TMEM63B: variants seen among roughly 807,000 people sequenced by gnomAD.
TMEM63B encodes the protein mechanosensitive cation channel TMEM63B.
A neutral mutation model predicts 102.6 loss-of-function variants in TMEM63B; 23 were observed. That is an observed-to-expected ratio of 0.22 (90% CI 0.16 to 0.32). The LOEUF is 0.32. Among genes scored for constraint, TMEM63B ranks in the 10% least tolerant of loss-of-function variants. The pLI, the probability that TMEM63B is intolerant of heterozygous loss-of-function variation, is 1.00. For synonymous variants in TMEM63B, 444 were observed against 437.0 expected, an observed-to-expected ratio of 1.02 and a Z score of -0.20; for missense variants, 628 against 1,095.9, an observed-to-expected ratio of 0.57 and a Z score of 6.03.
intron 18 of TMEM63B, among the ~76,000 whole-genome samples, chr6:44,151,469 G>A (rs1447704886): frequency 2.0e-5 from 3 of 152,096 alleles, no homozygotes; most frequent in African/African-American, 7.2e-5. Context: ...CACTCTGGGG[G>A]TAACTCGAGT....
rs1218738721 is a variant in TMEM63B at position 44,127,690 on chromosome 6, A to AC, written c.-25+16dup. 2 of 140,922 alleles carry AC rather than the reference A, an allele frequency of 1.4e-5. No homozygotes were observed. The highest frequency in any genetic ancestry group is 5.3e-5 in the African/African-American group (2 of 37,986). The allele number at this position is 140,922 out of a possible 1,614,324, so 8.7% of individuals were successfully genotyped here. A position where few individuals can be genotyped will look rare whatever the true frequency, so the allele number is the denominator to read the frequency against. On this transcript the variant is annotated intron_variant, in intron 1 of 23. Coordinates refer to ENST00000323267, the MANE Select transcript of TMEM63B (RefSeq NM_018426.3). Reference sequence around the variant, plus strand: ...GTCTGCGCCTGGGGGTGAGTACGCGACCCCTACCCAGCCCTCGCTCTTTTC... The same window carrying AC: ...GTCTGCGCCTGGGGGTGAGTACGCGACCCCCTACCCAGCCCTCGCTCTTTTC...
rs1457725003 is a variant in TMEM63B at position 44,148,564 on chromosome 6, G to T, written c.1173G>T (p.Gly391=). The change falls in exon 14 of 24, where the codon GGG becomes GGT. Residue 391 remains glycine (G), a synonymous_variant. Transcript: ENST00000323267. This position sits in a 1 kb window ranked among gnomAD's most constrained non-coding sequence, Gnocchi z 5.1. Reference sequence around the variant, plus strand: ...AATGCCAGGGCTGCACCTGCCGTGGGGAGCCACGCCCCTCATCCTGCAGCG... The same window carrying T: ...AATGCCAGGGCTGCACCTGCCGTGGTGAGCCACGCCCCTCATCCTGCAGCG... ...VCKCQGCTCR[G]EPRPSSCSES... is the part of the protein sequence containing the mutation. 1 of 1,614,238 alleles carries T rather than the reference G, an allele frequency of 6.2e-7. No individual in the cohort carries two copies. The highest frequency in any genetic ancestry group is 8.5e-7 in the Non-Finnish European group (1 of 1,180,044).
At chr6:44,142,900 A>G (rs1272224290) in intron 10 of TMEM63B, among the ~76,000 whole-genome samples, 1 of 152,196 alleles carries the variant, frequency 6.6e-6, no homozygotes, top group Non-Finnish European at 1.5e-5. Context: ...AGTCCCAACT[A>G]CTCAGGTGAC....
In TMEM63B at chr6:44,148,586, A is replaced by G; in HGVS notation, c.1195A>G (p.Ser399Gly). ...TGGGGAGCCACGCCCCTCATCCTGC[A>G]GCGAGTCCCTGCACATCTCCAACTG... ...CRGEPRPSSCSESLHISNWTV... is the reference protein window; with the variant it reads ...CRGEPRPSSCGESLHISNWTV... Residue 399 changes from serine to glycine, a missense_variant, in exon 14 of 24, where the codon AGC becomes GGC. Ser to Gly is a moderately conservative substitution (Grantham distance 56). Around this residue, in one of 6 missense-constraint regions of TMEM63B, gnomAD observed 336 missense variants for 580.3 expected, o/e 0.58. Coordinates refer to ENST00000323267, the MANE Select transcript of TMEM63B (RefSeq NM_018426.3). The surrounding 1 kb of genome is among the most constrained non-coding windows in gnomAD (Gnocchi z 5.1). 6.2e-7 allele frequency: 1 copy of G among 1,614,248 alleles called. No homozygotes were observed.
At chr6:44,134,774 C>T (rs1762587612) in intron 2 of TMEM63B, 31 bp downstream of exon 2, 4 of 1,603,512 alleles carry the variant, frequency 2.5e-6, no homozygotes, top group African/African-American at 2.7e-5. Context: ...CTTACCTTGG[C>T]ATCCATGCCC....
In TMEM63B at chr6:44,133,823, G is replaced by C. The variant is rs1312035399; in HGVS notation, c.-24-738G>C. On this transcript the variant is annotated intron_variant, in intron 1 of 23. Transcript: ENST00000323267. The stretch of plus-strand genomic sequence containing the variant: ...CCAGCCTTCCCTGCTTCAGAGGCAG[G>C]AGCATGGCACTCTGGGAGTTGTAGT... 3.3e-5 allele frequency among the ~76,000 whole-genome samples: 5 copies of C among 152,252 alleles called. No individual in the cohort carries two copies. The East Asian group carries it at 9.6e-4, about 29-fold the overall frequency.
At chr6:44,136,470 C>T (rs1469124039) in intron 5 of TMEM63B, 31 bp downstream of exon 5, 4 of 1,434,488 alleles carry the variant, frequency 2.8e-6, no homozygotes, top group African/African-American at 1.4e-5. Flanking sequence ...CTTCTTAGTC[C>T]CCCACCCCAC....
chr6:44,129,108 C>G (rs1428373610), intron 1 of TMEM63B, among the ~76,000 whole-genome samples: 1 of 152,148 alleles, frequency 6.6e-6, no homozygotes, highest in Non-Finnish European at 1.5e-5. Flanking sequence ...GTGTTTATGC[C>G]TATAATTCCA....
rs768852320 is a variant in TMEM63B at position 44,150,665 on chromosome 6, C to CA, written c.1673+37dup. 7 of 1,602,428 alleles carry CA rather than the reference C, an allele frequency of 4.4e-6. No homozygotes were observed. On this transcript the variant is annotated intron_variant, in intron 18 of 23. Transcript: ENST00000323267. The surrounding 1 kb of genome is among the most constrained non-coding windows in gnomAD (Gnocchi z 4.7). Reference sequence around the variant, plus strand: ...GGGGCCCCTAGGGAAAGAGACCAGACAGCAGGGGTGGGTATGCTTGAGAGA... The same window carrying CA: ...GGGGCCCCTAGGGAAAGAGACCAGACAAGCAGGGGTGGGTATGCTTGAGAGA...
rs762393247 is a variant in TMEM63B at position 44,140,222 on chromosome 6, G to A, written c.603-30G>A. 18 of 1,574,978 alleles carry A rather than the reference G, an allele frequency of 1.1e-5. No homozygotes were observed. The South Asian group carries it at 1.7e-4, about 15-fold the overall frequency. On this transcript the variant is annotated intron_variant, in intron 8 of 23. Transcript: ENST00000323267. ...CTCTGAGTGTGTCCTAGCCCCAGTG[G>A]CTCCCATGTATCCTCTCTGCTTCTC...
chr6:44,143,715 G>A (rs1764774326), intron 10 of TMEM63B, among the ~76,000 whole-genome samples: 1 of 152,076 alleles, frequency 6.6e-6, no homozygotes, highest in Non-Finnish European at 1.5e-5. Context: ...GGGTGGACAG[G>A]GACCGGATGA....
chr6:44,135,504 G>A (rs1762765576), intron 4 of TMEM63B, 138 bp downstream of exon 4: 7 of 1,127,014 alleles, frequency 6.2e-6, no homozygotes, highest in African/African-American at 4.7e-5. Flanking sequence ...TCGGATTAAC[G>A]CAGGCGGTGT....
chr6:44,135,434 T>G, intron 4 of TMEM63B, 68 bp downstream of exon 4: 5 of 1,539,812 alleles, frequency 3.2e-6, no homozygotes, highest in Middle Eastern at 1.7e-4. Context: ...CACGCTTCTC[T>G]TCTCTTCCTG....
At chr6:44,134,483 C>A (rs1762540237) in intron 1 of TMEM63B, 78 bp from the exon 2 acceptor site, 3 of 1,462,172 alleles carry the variant, frequency 2.1e-6, no homozygotes, top group Admixed American at 4.1e-5. Flanking sequence ...GTCCTCACTG[C>A]CCCCTCCCCA....
intron 3 of TMEM63B, 29 bp downstream of exon 3, chr6:44,135,125 C>A: frequency 6.2e-7 from 1 of 1,611,094 alleles, no homozygotes; most frequent in South Asian, 1.1e-5. Context: ...CCCTCTAGCT[C>A]TCCACACACA....
At position 44,139,629 on chromosome 6, in the gene TMEM63B, G is replaced by T; in HGVS notation, c.550+20G>T. 4.3e-6 allele frequency: 7 copies of T among 1,614,174 alleles called. No homozygotes were observed. The highest frequency in any genetic ancestry group is 5.9e-6 in the Non-Finnish European group (7 of 1,180,024). On this transcript the variant is annotated intron_variant, in intron 7 of 23. Coordinates refer to ENST00000323267, the MANE Select transcript of TMEM63B (RefSeq NM_018426.3). Reference sequence around the variant, plus strand: ...TGCTGGGTCAGTGAGGGCCAGGACGGCTAGGGTGGAGAGAGGATGGGGCTG... The same window carrying T: ...TGCTGGGTCAGTGAGGGCCAGGACGTCTAGGGTGGAGAGAGGATGGGGCTG...
In TMEM63B at chr6:44,152,142, C is replaced by G; in HGVS notation, c.1836+134C>G. The stretch of plus-strand genomic sequence containing the variant: ...GGAGTACAGTTGACTCACGGTGGAT[C>G]CGGGCCATCCCCTTCCCATATCTGG... On this transcript the variant is annotated intron_variant, in intron 19 of 23. Coordinates refer to ENST00000323267, the MANE Select transcript of TMEM63B (RefSeq NM_018426.3). The surrounding 1 kb of genome is among the most constrained non-coding windows in gnomAD (Gnocchi z 6.4). The G allele has an allele frequency of 8.8e-7, 1 of 1,142,702 alleles. No individual in the cohort carries two copies. The allele number at this position is 1,142,702 out of a possible 1,614,324, so 70.8% of individuals were successfully genotyped here.
At chr6:44,139,352 G>T (rs538678167) in intron 6 of TMEM63B, 115 bp from the exon 7 acceptor site, 488 of 1,307,330 alleles carry the variant, frequency 3.7e-4, no homozygotes, top group Non-Finnish European at 4.8e-4. Flanking sequence ...ACTACTGCCA[G>T]ATCAGCTGGA....
In TMEM63B at chr6:44,140,147, G is replaced by A. The variant is rs1172921360; in HGVS notation, c.603-105G>A. The A allele has an allele frequency of 8.0e-6, 7 of 879,510 alleles. No homozygotes were observed. The East Asian group carries it at 1.7e-4, about 22-fold the overall frequency. The allele number at this position is 879,510 out of a possible 1,614,324, so 54.5% of individuals were successfully genotyped here. A position where few individuals can be genotyped will look rare whatever the true frequency, so the allele number is the denominator to read the frequency against. ...CAGTGCCAGAAGGCTGGTGGCAGTA[G>A]AGGGCCCTGTCTGTATCAAGGGTTT... On this transcript the variant is annotated intron_variant, in intron 8 of 23. Coordinates refer to ENST00000323267, the MANE Select transcript of TMEM63B (RefSeq NM_018426.3).
Sources: gnomAD v4.1 joint callset for allele counts (sites outside exome capture counted in the v4.1 genomes callset) on GRCh38, gnomAD v4.1.1 for gene constraint, gnomAD v4.1.1 regional missense constraint, Gnocchi (gnomAD v3.1) non-coding constraint, MANE v1.5 for transcripts, NCBI Gene and HGNC (gene_info 2026-07-23, HGNC 2026-07-21) for gene names.